ROR1: variants seen among roughly 807,000 people sequenced by gnomAD.
ROR1 encodes ROR family WNT receptor 1, also known as inactive tyrosine-protein kinase transmembrane receptor ROR1.
ROR1 carries 19 observed loss-of-function variants against 78.8 expected under a neutral mutation model. The observed-to-expected ratio is 0.24, with a 90% CI of 0.17 to 0.35. The LOEUF is 0.35. ROR1 is among the 10% of genes least tolerant of loss of function. ROR1 has a pLI of 1.00. For synonymous variants in ROR1, 386 were observed against 433.6 expected, an observed-to-expected ratio of 0.89 and a Z score of 1.36; for missense variants, 917 against 1,177.8, an observed-to-expected ratio of 0.78 and a Z score of 3.24.
intron 1 of ROR1, among the ~76,000 whole-genome samples, chr1:63,870,012 C>A (rs1354200972): frequency 6.6e-6 from 1 of 152,136 alleles, no homozygotes; most frequent in Non-Finnish European, 1.5e-5. Flanking sequence ...TTATTTATTG[C>A]ACAAATATTA....
chr1:63,895,161 G>A (rs1416952593), intron 1 of ROR1, among the ~76,000 whole-genome samples: 3 of 152,218 alleles, frequency 2.0e-5, no homozygotes, highest in Non-Finnish European at 4.4e-5. Context: ...TCAAGATAGA[G>A]ATGGCATTTA....
At chr1:63,884,768 G>C (rs144635291) in intron 1 of ROR1, among the ~76,000 whole-genome samples, 1 of 152,198 alleles carries the variant, frequency 6.6e-6, no homozygotes, top group East Asian at 1.9e-4. Context: ...GCTGGTAAAT[G>C]GAGGTAAGAA....
intron 1 of ROR1, among the ~76,000 whole-genome samples, chr1:63,973,385 T>G (rs570037915): frequency 6.6e-6 from 1 of 152,310 alleles, no homozygotes; most frequent in African/African-American, 2.4e-5. Flanking sequence ...ATGCGATGCC[T>G]GCAGAGAGTG....
chr1:64,170,912 T>G (rs1569883662), intron 8 of ROR1, among the ~76,000 whole-genome samples: 1 of 152,222 alleles, frequency 6.6e-6, no homozygotes, highest in African/African-American at 2.4e-5. Context: ...CATCTCCATC[T>G]GAGACCACCT....
rs558012451 is a variant in ROR1 at position 63,835,047 on chromosome 1, C to T, written c.91+60539C>T. ...CTGTTGCTGCCTCCTCCATCCTCCC[C>T]TAAAGTCACACAGCTTCAAATAAGG... On this transcript the variant is annotated intron_variant, in intron 1 of 8. Transcript: ENST00000371079. Among the ~76,000 whole-genome samples the T allele has an allele frequency of 2.3e-4, 35 of 152,238 alleles. 1 individual carries two copies. The highest frequency in any genetic ancestry group is 4.1e-4 in the Non-Finnish European group (28 of 68,018).
intron 1 of ROR1, among the ~76,000 whole-genome samples, chr1:63,833,756 G>A (rs1569788503): frequency 1.3e-5 from 2 of 151,952 alleles, no homozygotes; most frequent in East Asian, 1.9e-4. Flanking sequence ...TTTTCCAGCA[G>A]TATTTGGACT....
At chr1:63,833,025 A>T (rs1644998340) in intron 1 of ROR1, among the ~76,000 whole-genome samples, 1 of 152,182 alleles carries the variant, frequency 6.6e-6, no homozygotes, top group South Asian at 2.1e-4. Flanking sequence ...TTCCACAAGA[A>T]AGTAGTAGTG....
At chr1:64,082,559 A>G (rs538739502) in intron 4 of ROR1, among the ~76,000 whole-genome samples, 47 of 152,312 alleles carry the variant, frequency 3.1e-4, no homozygotes, top group Non-Finnish European at 5.3e-4. Flanking sequence ...CAGTTATCTG[A>G]AAGTCCCCAG....
chr1:64,129,178 C>T (rs985890078), intron 4 of ROR1, among the ~76,000 whole-genome samples: 2 of 152,146 alleles, frequency 1.3e-5, no homozygotes, highest in African/African-American at 4.8e-5. Context: ...TGAGATGAGA[C>T]AGAAAAGCAA....
chr1:63,952,565 C>CT (rs1386354644), intron 1 of ROR1, among the ~76,000 whole-genome samples: 5 of 152,186 alleles, frequency 3.3e-5, no homozygotes, highest in Admixed American at 3.3e-4. Flanking sequence ...GGTAACCTGT[C>CT]TGAGGGCCTT....
chr1:63,872,421 T>C (rs927171751), intron 1 of ROR1, among the ~76,000 whole-genome samples: 2 of 150,652 alleles, frequency 1.3e-5, no homozygotes, highest in Admixed American at 1.3e-4. Flanking sequence ...AACCTCCTTT[T>C]GCTTATTTTT....
At chr1:63,970,085 C>G (rs767474983) in intron 1 of ROR1, among the ~76,000 whole-genome samples, 4 of 152,136 alleles carry the variant, frequency 2.6e-5, no homozygotes, top group African/African-American at 4.8e-5. Context: ...GTCTTCCTCC[C>G]CCACTCCTTC....
Position 64,091,999 on chromosome 1 carries a change from C to A in ROR1, c.482+41283C>A, listed in dbSNP as rs149776203. Among the ~76,000 whole-genome samples the A allele has an allele frequency of 4.7e-4, 72 of 152,172 alleles. No homozygotes were observed. In the East Asian group the frequency reaches 0.014, roughly 30 times the overall value. On this transcript the variant is annotated intron_variant, in intron 4 of 8. Transcript: ENST00000371079. ...ACAAATAGCCATTTTGATATCATTT[C>A]TTCTCCCCTTTCAAATTACTTATTA...
At position 64,164,788 on chromosome 1, in the gene ROR1, T is replaced by G. The variant is rs190558199; in HGVS notation, c.1386+5596T>G. Among the ~76,000 whole-genome samples the G allele has an allele frequency of 2.0e-3, 299 of 152,238 alleles. 4 individuals carry two copies. Among genetic ancestry groups the G allele is most frequent in the African/African-American group, 6.9e-3 (288 of 41,536 alleles). On this transcript the variant is annotated intron_variant, in intron 8 of 8. Transcript: ENST00000371079. ...TCTGAAAGGCCCCAGGGTGTGTTGTTCCCCTCTGTGTGTCTATGAGAACAA... is the reference window on the plus strand; with the variant it reads ...TCTGAAAGGCCCCAGGGTGTGTTGTGCCCCTCTGTGTGTCTATGAGAACAA...
Position 64,155,214 on chromosome 1 carries a change from A to G in ROR1, c.1175-3767A>G, listed in dbSNP as rs370476218. Among the ~76,000 whole-genome samples, 22 of 152,282 alleles carry G rather than the reference A, an allele frequency of 1.4e-4. 1 individual carries two copies. The highest frequency in any genetic ancestry group is 9.8e-4 in the Admixed American group (15 of 15,298). On this transcript the variant is annotated intron_variant, in intron 7 of 8. Coordinates refer to ENST00000371079, the MANE Select transcript of ROR1 (RefSeq NM_005012.4). Reference sequence around the variant, plus strand: ...TTCCGGGTTAAAATGAGGAATACAAATGCTCGGACTTCAAAAAGAACCTAG... The same window carrying G: ...TTCCGGGTTAAAATGAGGAATACAAGTGCTCGGACTTCAAAAAGAACCTAG...
chr1:63,848,824 C>A (rs1200407350), intron 1 of ROR1, among the ~76,000 whole-genome samples: 1 of 152,090 alleles, frequency 6.6e-6, no homozygotes, highest in African/African-American at 2.4e-5. Flanking sequence ...AATTTTTTGT[C>A]CCCAAAGGGA....
At chr1:64,153,109 A>G (rs1231386491) in intron 7 of ROR1, among the ~76,000 whole-genome samples, 2 of 152,232 alleles carry the variant, frequency 1.3e-5, no homozygotes, top group African/African-American at 4.8e-5. Context: ...AAAAGTGGGC[A>G]AAGGACTTGA....
chr1:63,825,846 C>T (rs768233226), intron 1 of ROR1, among the ~76,000 whole-genome samples: 2 of 152,142 alleles, frequency 1.3e-5, no homozygotes, highest in Non-Finnish European at 2.9e-5. Flanking sequence ...AGCCATTGGA[C>T]TTAAACAAGA....
At chr1:63,937,036 A>C (rs973270397) in intron 1 of ROR1, among the ~76,000 whole-genome samples, 6 of 152,200 alleles carry the variant, frequency 3.9e-5, no homozygotes, top group African/African-American at 1.4e-4. Context: ...TTTTAGAGCT[A>C]GAAGCCAATG....
Sources: gnomAD v4.1 joint callset for allele counts (sites outside exome capture counted in the v4.1 genomes callset) on GRCh38, gnomAD v4.1.1 for gene constraint, MANE v1.5 for transcripts, NCBI Gene and HGNC (gene_info 2026-07-23, HGNC 2026-07-21) for gene names.